HDAC9: variants seen among roughly 807,000 people sequenced by gnomAD.
HDAC9 encodes MEF-2 interacting transcription repressor (MITR) protein.
In HDAC9, 41 loss-of-function variants were observed where a neutral mutation model predicts 139.4. The observed-to-expected ratio is 0.29, with a 90% CI of 0.23 to 0.38. HDAC9 has a LOEUF of 0.38. Ranked by LOEUF, HDAC9 falls within the 10% of genes least tolerant of loss-of-function variation. The pLI is 1.00. For missense variants in HDAC9, 1,147 were observed against 1,297.0 expected, an observed-to-expected ratio of 0.88 and a Z score of 1.78; for synonymous variants, 517 against 476.2, an observed-to-expected ratio of 1.09 and a Z score of -1.12.
At chr7:18,992,046 C>T (rs1309573611) in intron 25 of HDAC9, among the ~76,000 whole-genome samples, 2 of 152,188 alleles carry the variant, frequency 1.3e-5, no homozygotes, top group South Asian at 2.1e-4. Context: ...GGCTTTAGAG[C>T]CTCACTGCTT....
chr7:18,672,362 C>T (rs757756926), intron 12 of HDAC9, among the ~76,000 whole-genome samples: 2 of 152,022 alleles, frequency 1.3e-5, no homozygotes, highest in African/African-American at 4.8e-5. Context: ...TTAGGAGCAA[C>T]ATCTAGTCAA....
intron 6 of HDAC9, among the ~76,000 whole-genome samples, chr7:18,597,976 G>A (rs1318264629): frequency 2.6e-5 from 4 of 152,146 alleles, no homozygotes; most frequent in South Asian, 2.1e-4. Flanking sequence ...TTTCCACACT[G>A]AGTAAACTGG....
chr7:18,449,973 A>C (rs774185759), intron 1 of HDAC9, among the ~76,000 whole-genome samples: 1 of 152,192 alleles, frequency 6.6e-6, no homozygotes, highest in Non-Finnish European at 1.5e-5. Context: ...TCATGACATT[A>C]AATATTTCCA....
intron 2 of HDAC9, among the ~76,000 whole-genome samples, chr7:18,239,330 A>G (rs1162389669): frequency 6.6e-6 from 1 of 152,230 alleles, no homozygotes; most frequent in Non-Finnish European, 1.5e-5. Context: ...ATGAATATCA[A>G]CCACCAGCAC....
intron 1 of HDAC9, among the ~76,000 whole-genome samples, chr7:18,303,375 T>TTGTGTGTGTGTGTGTGTGTGTGTG (rs71014320): frequency 7.8e-6 from 1 of 127,710 alleles, no homozygotes; most frequent in Non-Finnish European, 1.6e-5. Flanking sequence ...CCCAGCCAAT[T>TTGTGTGTGTGTGTGTGTGTGTGTG]TGTGTGTGTG....
chr7:18,351,935 A>G (rs1782878262), intron 1 of HDAC9, among the ~76,000 whole-genome samples: 3 of 152,236 alleles, frequency 2.0e-5, no homozygotes, highest in African/African-American at 7.2e-5. Flanking sequence ...GTGACAATAT[A>G]CAAGGTTATC....
intron 2 of HDAC9, among the ~76,000 whole-genome samples, chr7:18,272,107 A>G (rs1796391848): frequency 6.6e-6 from 1 of 152,226 alleles, no homozygotes. Flanking sequence ...TAGTAATATC[A>G]TAGATTATTA....
At chr7:18,842,083 A>G (rs913972979) in intron 21 of HDAC9, among the ~76,000 whole-genome samples, 3 of 152,170 alleles carry the variant, frequency 2.0e-5, no homozygotes, top group African/African-American at 4.8e-5. Flanking sequence ...GTCATCTAAA[A>G]GTCATGCTTA....
intron 2 of HDAC9, among the ~76,000 whole-genome samples, chr7:18,557,184 G>GCT (rs1819063687): frequency 1.3e-5 from 2 of 151,996 alleles, no homozygotes; most frequent in African/African-American, 4.8e-5. Flanking sequence ...AAAGCCAGAA[G>GCT]ACGCTCTTTT....
At position 18,732,876 on chromosome 7, in the gene HDAC9, C is replaced by CGTGTGT. The variant is rs1252644292; in HGVS notation, c.1909+5119_1909+5120insGTGTGT. Among the ~76,000 whole-genome samples the CGTGTGT allele has an allele frequency of 3.6e-4, 31 of 86,728 alleles. 1 individual carries two copies. Among genetic ancestry groups the CGTGTGT allele is most frequent in the South Asian group, 1.2e-3 (3 of 2,506 alleles). The allele number at this position is 86,728 out of a possible 152,430, so 56.9% of individuals were successfully genotyped here. A position where few individuals can be genotyped will look rare whatever the true frequency, so the allele number is the denominator to read the frequency against. ...GTATGTGTGCGTATGTGTACACACA[C>CGTGTGT]ACGTGTGCGTATGTGTACACACACA... On this transcript the variant is annotated intron_variant, in intron 13 of 25. Coordinates refer to ENST00000686413, the MANE Select transcript of HDAC9 (RefSeq NM_178425.4).
chr7:18,935,259 A>G (rs964814064), intron 22 of HDAC9, among the ~76,000 whole-genome samples: 2 of 152,142 alleles, frequency 1.3e-5, no homozygotes, highest in African/African-American at 2.4e-5. Flanking sequence ...ACTCGTATAG[A>G]TGTTATTCAT....
chr7:18,147,895 G>A (rs1008818492), intron 1 of HDAC9, among the ~76,000 whole-genome samples: 2 of 151,968 alleles, frequency 1.3e-5, no homozygotes, highest in Non-Finnish European at 2.9e-5. Flanking sequence ...GTATTGAGGT[G>A]TATCCATTTT....
In HDAC9 at chr7:18,749,247, C is replaced by A. The variant is rs926187787; in HGVS notation, c.2043+109C>A. On this transcript the variant is annotated intron_variant, in intron 14 of 25. Coordinates refer to ENST00000686413, the MANE Select transcript of HDAC9 (RefSeq NM_178425.4). The stretch of plus-strand genomic sequence containing the variant: ...AATATTAACCATATAGTGCAAACAC[C>A]ATGATTGATGAACCATCATAGATTC... The A allele has an allele frequency of 7.1e-6, 8 of 1,123,356 alleles. No homozygotes were observed. The African/African-American group carries it at 1.1e-4, about 15-fold the overall frequency. The allele number at this position is 1,123,356 out of a possible 1,614,324, so 69.6% of individuals were successfully genotyped here.
intron 21 of HDAC9, among the ~76,000 whole-genome samples, chr7:18,867,720 C>G (rs901538564): frequency 6.6e-6 from 1 of 152,000 alleles, no homozygotes; most frequent in African/African-American, 2.4e-5. Flanking sequence ...ATTTTTAGTT[C>G]CGAAAAATTA....
chr7:18,418,085 A>G (rs1171676020), intron 1 of HDAC9, among the ~76,000 whole-genome samples: 2 of 152,128 alleles, frequency 1.3e-5, no homozygotes, highest in Admixed American at 6.5e-5. Flanking sequence ...TTTGTTTCTC[A>G]TCTCTCAGGA....
chr7:18,280,040 T>C (rs1188387441), intron 2 of HDAC9, among the ~76,000 whole-genome samples: 5 of 152,304 alleles, frequency 3.3e-5, no homozygotes, highest in African/African-American at 9.6e-5. Context: ...AAAATATACT[T>C]ATCCATTTAG....
At chr7:18,584,926 A>G (rs1346667891) in intron 2 of HDAC9, among the ~76,000 whole-genome samples, 1 of 44,062 alleles carries the variant, frequency 2.3e-5, no homozygotes, top group Non-Finnish European at 5.2e-5. Flanking sequence ...TCCTCAACAT[A>G]ATTCCATTTT....
intron 22 of HDAC9, among the ~76,000 whole-genome samples, chr7:18,889,537 A>T (rs1020491193): frequency 9.2e-5 from 14 of 152,086 alleles, no homozygotes; most frequent in African/African-American, 2.9e-4. Context: ...TATTCAAGAT[A>T]TTTTCATAAT....
At chr7:18,600,380 C>A (rs1333293200) in intron 6 of HDAC9, among the ~76,000 whole-genome samples, 1 of 152,098 alleles carries the variant, frequency 6.6e-6, no homozygotes, top group Admixed American at 6.6e-5. Context: ...CCAGCGTTAA[C>A]TAGATTTTCT....
Sources: gnomAD v4.1 joint callset for allele counts (sites outside exome capture counted in the v4.1 genomes callset) on GRCh38, gnomAD v4.1.1 for gene constraint, MANE v1.5 for transcripts, NCBI Gene and HGNC (gene_info 2026-07-23, HGNC 2026-07-21) for gene names.